Variants in BCORL1 observed in about 807,000 individuals in gnomAD.
The protein encoded by BCORL1 is BCL-6 corepressor-like protein 1.
A neutral mutation model predicts 87.6 loss-of-function variants in BCORL1; 7 were observed. The observed-to-expected ratio is 0.08, with a 90% CI of 0.05 to 0.15. The LOEUF (loss-of-function observed/expected upper bound fraction) is 0.15, where lower values mean the gene tolerates loss of function less well. Among genes scored for constraint, BCORL1 ranks in the 10% least tolerant of loss-of-function variants. The pLI is 1.00. For missense variants in BCORL1, 1,215 were observed against 1,499.7 expected, an observed-to-expected ratio of 0.81 and a Z score of 3.13; for synonymous variants, 591 against 634.4, an observed-to-expected ratio of 0.93 and a Z score of 1.03.
chrX:129,989,760 C>G (rs1402387794), intron 1 of BCORL1, among the ~76,000 whole-genome samples: 2 of 105,803 alleles, frequency 1.9e-5, no homozygotes, highest in Non-Finnish European at 1.9e-5. Context: ...AGCCACCGTG[C>G]CAGGTCTTCA....
Position 130,025,197 on chromosome X carries a change from G to A in BCORL1, c.3896G>A (p.Arg1299Gln), listed in dbSNP as rs1317275824. ...GGCCGAAGGCACCTGTGGCGAGCCC[G>A]AGAAATGCCCTGGAGGACAGAGGCT... ...SQGRRHLWRA[R>Q]EMPWRTEAAR... The change falls in exon 7 of 14, where the codon CGA becomes CAA. Residue 1299 changes from arginine to glutamine, a missense_variant. Transcript: ENST00000540052. 14 of 1,210,050 alleles carry A rather than the reference G, an allele frequency of 1.2e-5. No individual in the cohort carries two copies. Among genetic ancestry groups the A allele is most frequent in the African/African-American group, 7.0e-5 (4 of 57,236 alleles).
intron 1 of BCORL1, among the ~76,000 whole-genome samples, chrX:129,993,987 A>G (rs1034237400): frequency 3.6e-5 from 4 of 111,095 alleles, no homozygotes; most frequent in Non-Finnish European, 5.7e-5. Flanking sequence ...GGGTTTCACC[A>G]TGTTGGCCAG....
intron 11 of BCORL1, among the ~76,000 whole-genome samples, chrX:130,043,766 ATATATATATATATATATATTTT>A (rs1355201837): frequency 6.0e-5 from 1 of 16,632 alleles, no homozygotes; most frequent in South Asian, 4.6e-3. Flanking sequence ...ATATATATAT[ATATATATATATATATATATTTT>A]TTTTTTTTTT....
intron 1 of BCORL1, among the ~76,000 whole-genome samples, chrX:130,000,914 GT>G (rs1416762748): frequency 9.1e-6 from 1 of 109,691 alleles, no homozygotes; most frequent in African/African-American, 3.3e-5. Context: ...GTGTGTGTGT[GT>G]GTGTGTGTGT....
chrX:130,025,269 A>C lies in BCORL1; in HGVS notation c.3968A>C (p.Glu1323Ala). ...DTNEEEEEEEEEGLLKRKKRR... is the reference protein window; with the variant it reads ...DTNEEEEEEEAEGLLKRKKRR... ...AATGAGGAGGAGGAGGAAGAAGAGG[A>C]GGAGGGCCTGCTGAAGAGGAAGAAA... Residue 1323 changes from glutamate to alanine, a missense_variant, in exon 7 of 14, where the codon GAG becomes GCG. Glu to Ala is a moderately radical substitution (Grantham distance 107). This residue lies in a region of BCORL1 where 166 missense variants were observed against 196.5 expected (regional missense o/e 0.84). Transcript: ENST00000540052. 1 of 1,209,933 alleles carries C rather than the reference A, an allele frequency of 8.3e-7. No individual in the cohort carries two copies. Among genetic ancestry groups the C allele is most frequent in the Non-Finnish European group, 1.1e-6 (1 of 894,564 alleles).
At chrX:130,007,682 C>T (rs756708749) in intron 2 of BCORL1, among the ~76,000 whole-genome samples, 84 of 112,348 alleles carry the variant, frequency 7.5e-4, no homozygotes, top group Non-Finnish European at 1.4e-3. Flanking sequence ...CCTGTAATCC[C>T]AGCTACTGGG....
intron 1 of BCORL1, among the ~76,000 whole-genome samples, chrX:130,003,377 T>C (rs755082344): frequency 1.5e-4 from 14 of 92,088 alleles, no homozygotes; most frequent in East Asian, 5.8e-4. Context: ...TCTTCTTCTT[T>C]TTTTTTTTTT....
chrX:129,992,006 A>G (rs1425457253), intron 1 of BCORL1, among the ~76,000 whole-genome samples: 3 of 107,159 alleles, frequency 2.8e-5, no homozygotes, highest in South Asian at 4.1e-4. Context: ...GTCTTGCTCT[A>G]TTGCCCACGC....
chrX:130,028,880 G>T lies in BCORL1; in HGVS notation c.4305+19G>T, dbSNP rs1930404602. 2 of 949,545 alleles carry T rather than the reference G, an allele frequency of 2.1e-6. No homozygotes were observed. The highest frequency in any genetic ancestry group is 1.4e-6 in the Non-Finnish European group (1 of 714,888). 78.3% of individuals were successfully genotyped at this position (949,545 alleles called of 1,213,427 possible). A position where few individuals can be genotyped will look rare whatever the true frequency, so the allele number is the denominator to read the frequency against. On this transcript the variant is annotated intron_variant, in intron 8 of 13. Transcript: ENST00000540052. ...GGCAAAGGTGTGTAGCTATCAAGGG[G>T]TATTGTAGAAGGTGTGTGTGGCGGG...
At chrX:130,022,247 T>C (rs1274939284) in intron 5 of BCORL1, among the ~76,000 whole-genome samples, 5 of 75,182 alleles carry the variant, frequency 6.7e-5, no homozygotes, top group African/African-American at 2.5e-4. Flanking sequence ...TTTTTTTTTT[T>C]TTTTTTTTTT....
chrX:130,038,375 G>T (rs187660476), intron 10 of BCORL1, among the ~76,000 whole-genome samples: 1 of 111,424 alleles, frequency 9.0e-6, no homozygotes, highest in African/African-American at 3.3e-5. Flanking sequence ...AGGGGGCTCC[G>T]CTTGGGTTCT....
At chrX:130,000,097 A>T (rs183047431) in intron 1 of BCORL1, among the ~76,000 whole-genome samples, 99 of 110,958 alleles carry the variant, frequency 8.9e-4, no homozygotes, top group African/African-American at 3.0e-3. Flanking sequence ...CCAGGCTGGA[A>T]TGCAGTGGCA....
chrX:130,014,417 G>A lies in BCORL1; in HGVS notation c.1645G>A (p.Ala549Thr). 1 of 1,211,452 alleles carries A rather than the reference G, an allele frequency of 8.3e-7. No individual in the cohort carries two copies. The highest frequency in any genetic ancestry group is 1.1e-6 in the Non-Finnish European group (1 of 895,440). The change falls in exon 4 of 14, where the codon GCA becomes ACA. Residue 549 changes from alanine to threonine, a missense_variant. Physicochemically the swap from Ala to Thr is moderately conservative, Grantham distance 58 (BLOSUM62 0). This residue lies in a region of BCORL1 where 861 missense variants were observed against 1,010.0 expected (regional missense o/e 0.85). Transcript: ENST00000540052. ...ACCCGATGGGGTCCCTGGGCCTTTG[G>A]CAGATACCTCCCTTGTTACTGCTTC... ...PAPDGVPGPL[A>T]DTSLVTASAK... is the part of the protein sequence containing the mutation.
In BCORL1 at chrX:130,005,201, A is replaced by C; in HGVS notation, c.-31A>C. The C allele has an allele frequency of 8.5e-7, 1 of 1,176,885 alleles. No homozygotes were observed. On this transcript the variant is annotated 5_prime_UTR_variant, in exon 2 of 14. Coordinates refer to ENST00000540052, the MANE Select transcript of BCORL1 (RefSeq NM_001379451.1). The stretch of plus-strand genomic sequence containing the variant: ...TCTTTTCCCCAGGGGGAGTGGCCAC[A>C]GCAGGTCCTATCTGGTGGTGAGTGG...
chrX:129,986,179 A>G (rs1470656771), intron 1 of BCORL1, among the ~76,000 whole-genome samples: 1 of 112,025 alleles, frequency 8.9e-6, no homozygotes, highest in African/African-American at 3.2e-5. Flanking sequence ...TGAGTTCAGG[A>G]GGATTTTTAA....
At position 130,057,764 on chromosome X, in the gene BCORL1, G is replaced by C; in HGVS notation, c.*1628G>C. ...GTATTGTGTTTGTTCTTTGTTCCTG[G>C]GGGGGAAGTTCTCGGCCCCCTTCTG... On this transcript the variant is annotated 3_prime_UTR_variant, in exon 14 of 14. Coordinates refer to ENST00000540052, the MANE Select transcript of BCORL1 (RefSeq NM_001379451.1). 9.2e-6 allele frequency: 1 copy of C among 109,159 alleles called. No homozygotes were observed. The highest frequency in any genetic ancestry group is 2.9e-4 in the East Asian group (1 of 3,503). 9.0% of individuals were successfully genotyped at this position (109,159 alleles called of 1,213,427 possible). A position where few individuals can be genotyped will look rare whatever the true frequency, so the allele number is the denominator to read the frequency against.
At chrX:129,991,146 C>T (rs1489180787) in intron 1 of BCORL1, among the ~76,000 whole-genome samples, 2 of 110,255 alleles carry the variant, frequency 1.8e-5, no homozygotes, top group Non-Finnish European at 1.9e-5. Context: ...GATAGAGTTT[C>T]GTTCTTGTTG....
At position 130,014,480 on chromosome X, in the gene BCORL1, G is replaced by A; in HGVS notation, c.1708G>A (p.Ala570Thr). ...TCCAACTCCACAGCCTCTGCTGCCAGCCCCCAGTGGGAGCTCAGCCCCACC... is the reference window on the plus strand; with the variant it reads ...TCCAACTCCACAGCCTCTGCTGCCAACCCCCAGTGGGAGCTCAGCCCCACC... The part of the protein sequence containing the change: ...VLPTPQPLLP[A>T]PSGSSAPPHP... Residue 570 changes from alanine to threonine, a missense_variant, in exon 4 of 14, where the codon GCC becomes ACC. Around this residue, in one of 5 missense-constraint regions of BCORL1, gnomAD observed 861 missense variants for 1,010.0 expected, o/e 0.85. Coordinates refer to ENST00000540052, the MANE Select transcript of BCORL1 (RefSeq NM_001379451.1). 10 of 1,211,399 alleles carry A rather than the reference G, an allele frequency of 8.3e-6. No individual in the cohort carries two copies. Among genetic ancestry groups the A allele is most frequent in the Non-Finnish European group, 1.1e-5 (10 of 895,447 alleles).
intron 1 of BCORL1, among the ~76,000 whole-genome samples, chrX:130,001,263 T>C (rs1001913707): frequency 9.0e-6 from 1 of 111,324 alleles, no homozygotes; most frequent in Non-Finnish European, 1.9e-5. Flanking sequence ...GCTAATTTGG[T>C]ATTTTAATAG....
Sources: allele counts gnomAD v4.1 joint callset (sites outside exome capture counted in the v4.1 genomes callset), GRCh38; gene constraint gnomAD v4.1.1; regional missense constraint gnomAD v4.1.1; transcripts MANE v1.5; gene names NCBI Gene and HGNC (gene_info 2026-07-23, HGNC 2026-07-21).